Variants in CDH13 observed in about 807,000 individuals in gnomAD.
CDH13 encodes cadherin 13.
Under a neutral mutation model 63.8 loss-of-function variants are expected in CDH13, and 24 were observed. The ratio of observed to expected loss-of-function variants is 0.38; its 90% CI spans 0.27 to 0.53. The LOEUF is 0.53. Ranked by LOEUF, CDH13 falls within the 20% of genes least tolerant of loss-of-function variation. The pLI, the probability that CDH13 is intolerant of heterozygous loss-of-function variation, is 0.85. For synonymous variants in CDH13, 503 were observed against 355.3 expected (o/e 1.42, Z -4.67); for missense variants, 1,049 against 903.1 (o/e 1.16, Z -2.07).
At chr16:83,624,662 A>G (rs749882050) in intron 8 of CDH13, among the ~76,000 whole-genome samples, 10 of 152,098 alleles carry the variant, frequency 6.6e-5, no homozygotes, top group Admixed American at 5.2e-4. Context: ...CTAATAGGCC[A>G]TGGATCAGTA....
intron 10 of CDH13, among the ~76,000 whole-genome samples, chr16:83,737,227 G>C (rs1911622548): frequency 6.6e-6 from 1 of 152,166 alleles, no homozygotes. Flanking sequence ...ATCATTCTCA[G>C]ACTTAAGTTA....
In CDH13 at chr16:83,032,092, C is replaced by A; in HGVS notation, c.240C>A (p.Gly80=). ...SPYFKVNSDG[G]LVALRNITAV... ...ACTTCAAGGTGAACAGCGATGGCGG[C>A]TTAGTTGCTCTGAGAAACATAACTG... The change falls in exon 3 of 14, where the codon GGC becomes GGA. Residue 80 remains glycine (G), a synonymous_variant. Transcript: ENST00000567109. 6.2e-7 allele frequency: 1 copy of A among 1,612,946 alleles called. No individual in the cohort carries two copies. Among genetic ancestry groups the A allele is most frequent in the Non-Finnish European group, 8.5e-7 (1 of 1,179,532 alleles).
intron 10 of CDH13, among the ~76,000 whole-genome samples, chr16:83,698,918 C>T (rs1490451549): frequency 1.3e-5 from 2 of 152,248 alleles, no homozygotes. Flanking sequence ...TGTGTTGACA[C>T]AGGGAGTCAG....
chr16:83,157,699 C>T (rs1484568532), intron 4 of CDH13, among the ~76,000 whole-genome samples: 10 of 148,970 alleles, frequency 6.7e-5, no homozygotes, highest in African/African-American at 2.2e-4. Flanking sequence ...TTTAGAACAT[C>T]CGGGCTAACA....
intron 7 of CDH13, among the ~76,000 whole-genome samples, chr16:83,509,420 G>T (rs2074502514): frequency 6.6e-6 from 1 of 152,194 alleles, no homozygotes. Context: ...GGGCCATATG[G>T]TGGCTGCTGC....
intron 5 of CDH13, among the ~76,000 whole-genome samples, chr16:83,297,368 C>T (rs1022045492): frequency 3.3e-5 from 5 of 152,022 alleles, no homozygotes; most frequent in African/African-American, 7.2e-5. Context: ...AATAATTGTA[C>T]GTCAATTATT....
At chr16:83,107,183 G>A (rs918451150) in intron 3 of CDH13, among the ~76,000 whole-genome samples, 3 of 152,180 alleles carry the variant, frequency 2.0e-5, no homozygotes, top group Non-Finnish European at 4.4e-5. Context: ...CCTTGGGACT[G>A]GGTTCTAGTC....
intron 1 of CDH13, among the ~76,000 whole-genome samples, chr16:82,781,770 C>T (rs1567527624): frequency 6.6e-6 from 1 of 152,192 alleles, no homozygotes; most frequent in Non-Finnish European, 1.5e-5. Context: ...GTTGGCAAAA[C>T]TGTAAGCATT....
intron 4 of CDH13, among the ~76,000 whole-genome samples, chr16:83,145,376 T>A (rs1254020068): frequency 6.6e-6 from 1 of 152,196 alleles, no homozygotes; most frequent in African/African-American, 2.4e-5. Flanking sequence ...AGAAAATAAT[T>A]ATCAGAGAGC....
At chr16:83,236,338 C>T (rs957191844) in intron 5 of CDH13, among the ~76,000 whole-genome samples, 1 of 151,732 alleles carries the variant, frequency 6.6e-6, no homozygotes, top group East Asian at 1.9e-4. Flanking sequence ...GTACAGTGGA[C>T]GTTTGACATA....
intron 7 of CDH13, among the ~76,000 whole-genome samples, chr16:83,584,055 C>T (rs967560745): frequency 6.6e-6 from 1 of 150,418 alleles, no homozygotes; most frequent in Non-Finnish European, 1.5e-5. Flanking sequence ...TCTGGCTGGG[C>T]GCGGTGGCTC....
At chr16:83,378,171 T>G (rs1366133126) in intron 6 of CDH13, among the ~76,000 whole-genome samples, 3 of 152,182 alleles carry the variant, frequency 2.0e-5, no homozygotes, top group African/African-American at 7.2e-5. Context: ...CTATGGTAGA[T>G]GCTGTGCAAG....
chr16:83,020,916 G>T (rs1597154292), intron 2 of CDH13, among the ~76,000 whole-genome samples: 1 of 152,160 alleles, frequency 6.6e-6, no homozygotes, highest in East Asian at 1.9e-4. Flanking sequence ...CAACTGCAAG[G>T]CCAAACACCC....
intron 4 of CDH13, among the ~76,000 whole-genome samples, chr16:83,183,347 C>G (rs2038408387): frequency 6.6e-6 from 1 of 152,146 alleles, no homozygotes; most frequent in South Asian, 2.1e-4. Context: ...TTTCAAAATG[C>G]AGAAAATATT....
chr16:83,619,622 A>G (rs1909621397), intron 8 of CDH13, among the ~76,000 whole-genome samples: 1 of 152,198 alleles, frequency 6.6e-6, no homozygotes, highest in Middle Eastern at 3.4e-3. Flanking sequence ...CTTGTGCATG[A>G]GCACGAGCAT....
chr16:82,727,058 T>A (rs1435797496), intron 1 of CDH13, among the ~76,000 whole-genome samples: 1 of 152,132 alleles, frequency 6.6e-6, no homozygotes, highest in East Asian at 1.9e-4. Flanking sequence ...CCTGTGCCTA[T>A]TAGAAACTGT....
intron 1 of CDH13, among the ~76,000 whole-genome samples, chr16:82,636,857 G>A (rs1908717528): frequency 6.6e-6 from 1 of 152,164 alleles, no homozygotes; most frequent in Non-Finnish European, 1.5e-5. Context: ...GCCAACCTGA[G>A]AGTTTCCTAA....
intron 2 of CDH13, among the ~76,000 whole-genome samples, chr16:83,005,892 C>G (rs980058408): frequency 1.3e-5 from 2 of 152,198 alleles, no homozygotes; most frequent in East Asian, 1.9e-4. Context: ...ATGAGTAAAT[C>G]AGATAGCAGA....
intron 5 of CDH13, among the ~76,000 whole-genome samples, chr16:83,334,040 C>G (rs1044539934): frequency 6.6e-6 from 1 of 152,090 alleles, no homozygotes; most frequent in Non-Finnish European, 1.5e-5. Flanking sequence ...TGGGGAAAAA[C>G]CCATTTCCTT....
Sources: gnomAD v4.1 joint callset for allele counts (sites outside exome capture counted in the v4.1 genomes callset) on GRCh38, gnomAD v4.1.1 for gene constraint, MANE v1.5 for transcripts, NCBI Gene and HGNC (gene_info 2026-07-23, HGNC 2026-07-21) for gene names.